The following QRICH1 variants were observed in gnomAD, a reference collection of about 807,000 sequenced individuals.
The protein encoded by QRICH1 is transcriptional regulator QRICH1.
QRICH1 carries 16 observed loss-of-function variants against 87.1 expected under a neutral mutation model. That is an observed-to-expected ratio of 0.18 (90% CI 0.12 to 0.28). QRICH1 has a LOEUF of 0.28. QRICH1 is among the 10% of genes least tolerant of loss of function. QRICH1 has a pLI of 1.00. For missense variants in QRICH1, 647 were observed against 951.7 expected, an observed-to-expected ratio of 0.68 and a Z score of 4.21; for synonymous variants, 367 against 368.4, an observed-to-expected ratio of 1.00 and a Z score of 0.05.
chr3:49,078,560 A>G (rs2041997497), intron 1 of QRICH1, among the ~76,000 whole-genome samples: 1 of 149,082 alleles, frequency 6.7e-6, no homozygotes, highest in Non-Finnish European at 1.5e-5. Flanking sequence ...ACGCCCAGCT[A>G]ATTTTTTTGT....
At chr3:49,059,277 A>G (rs1312837025) in intron 2 of QRICH1, among the ~76,000 whole-genome samples, 1 of 150,124 alleles carries the variant, frequency 6.7e-6, no homozygotes. Context: ...TTTTTTCTCT[A>G]AAGATAGGGT....
chr3:49,045,574 G>A (rs891867768), intron 5 of QRICH1, among the ~76,000 whole-genome samples: 36 of 152,008 alleles, frequency 2.4e-4, no homozygotes, highest in Admixed American at 2.4e-3. Flanking sequence ...GGGACTACAG[G>A]TGTGTGCCAC....
Position 49,076,729 on chromosome 3 carries a change from G to C in QRICH1, c.289C>G (p.Gln97Glu), listed in dbSNP as rs2041959817. ...TATACCTGAACCTGCTGCGGCTGCT[G>C]AACCTGGATCTGCTGTTCTTGCTGG... Reference protein sequence around the residue: ...QTQQEQQIQVQQPQQVQVQVQ... With the variant: ...QTQQEQQIQVEQPQQVQVQVQ... Residue 97 changes from glutamine (Q) to glutamate (E), a missense_variant, in exon 2 of 10, where the codon CAG becomes GAG. Gln to Glu is a conservative substitution (Grantham distance 29). Transcript: ENST00000395443. The C allele has an allele frequency of 6.3e-7, 1 of 1,582,184 alleles. No individual in the cohort carries two copies. Among genetic ancestry groups the C allele is most frequent in the African/African-American group, 1.3e-5 (1 of 74,388 alleles).
intron 2 of QRICH1, among the ~76,000 whole-genome samples, chr3:49,075,971 C>T (rs1183751354): frequency 6.6e-6 from 1 of 151,860 alleles, no homozygotes; most frequent in Non-Finnish European, 1.5e-5. Flanking sequence ...TGGCCGGGTG[C>T]GGTGGCTCAT....
At position 49,044,260 on chromosome 3, in the gene QRICH1, G is replaced by C. The variant is rs2093327216; in HGVS notation, c.1786+130C>G. 4.1e-6 allele frequency: 3 copies of C among 727,450 alleles called. No individual in the cohort carries two copies. In the Admixed American group the frequency reaches 7.7e-5, roughly 19 times the overall value. 45.1% of individuals were successfully genotyped at this position (727,450 alleles called of 1,614,324 possible). A position where few individuals can be genotyped will look rare whatever the true frequency, so the allele number is the denominator to read the frequency against. On this transcript the variant is annotated intron_variant, in intron 6 of 9. Coordinates refer to ENST00000395443, the MANE Select transcript of QRICH1 (RefSeq NM_198880.3). ...TCCCTATCAGGGCAAGTAGCACAGT[G>C]GCCAATGCTGCTGCAGTCTGGGATT...
intron 3 of QRICH1, among the ~76,000 whole-genome samples, chr3:49,049,894 T>C (rs924002294): frequency 6.6e-6 from 1 of 152,024 alleles, no homozygotes; most frequent in Non-Finnish European, 1.5e-5. Context: ...AAGAACTGAG[T>C]CACCACATGT....
intron 6 of QRICH1, among the ~76,000 whole-genome samples, chr3:49,038,413 A>G (rs1485940094): frequency 1.3e-5 from 2 of 150,958 alleles, no homozygotes. Context: ...TTGTTGATTT[A>G]ATTATTATTA....
intron 2 of QRICH1, among the ~76,000 whole-genome samples, chr3:49,060,355 G>A (rs1180550408): frequency 1.3e-5 from 2 of 150,394 alleles, no homozygotes; most frequent in Non-Finnish European, 3.0e-5. Flanking sequence ...CACCACGACT[G>A]GCTAATTTTT....
chr3:49,065,212 T>C (rs1249753022), intron 2 of QRICH1, among the ~76,000 whole-genome samples: 1 of 151,514 alleles, frequency 6.6e-6, no homozygotes, highest in East Asian at 2.0e-4. Context: ...CTTGGCTCAC[T>C]CAGCTCAATG....
chr3:49,058,474 T>C (rs1485589013), intron 2 of QRICH1, among the ~76,000 whole-genome samples: 1 of 152,048 alleles, frequency 6.6e-6, no homozygotes, highest in Non-Finnish European at 1.5e-5. Context: ...TATAGACATG[T>C]GCCACCATAC....
At chr3:49,093,409 A>G (rs775498623) in intron 1 of QRICH1, 1 of 152,102 alleles carries the variant, frequency 6.6e-6, no homozygotes, top group Non-Finnish European at 1.5e-5. Context: ...GAAAGGACCC[A>G]ATCCTCAACC....
chr3:49,054,713 TG>T (rs1559935884), intron 3 of QRICH1, among the ~76,000 whole-genome samples: 1 of 152,136 alleles, frequency 6.6e-6, no homozygotes, highest in Non-Finnish European at 1.5e-5. Context: ...AAGAGCAGCC[TG>T]GGCAACACAG....
chr3:49,045,326 CAAAAAAAAAAA>C (rs150401256), intron 5 of QRICH1, among the ~76,000 whole-genome samples: 10 of 101,834 alleles, frequency 9.8e-5, no homozygotes, highest in Admixed American at 2.0e-4. Context: ...TTGTGAATTA[CAAAAAAAAAAA>C]AAAAAAAAAA....
At chr3:49,033,386 A>G (rs2093254362) in intron 6 of QRICH1, 158 bp from the exon 7 acceptor site, 1 of 419,858 alleles carries the variant, frequency 2.4e-6, no homozygotes, top group Admixed American at 4.4e-5. Context: ...AGCTTCTTAA[A>G]ACACAGATAG....
At chr3:49,051,793 T>A (rs2093372835) in intron 3 of QRICH1, among the ~76,000 whole-genome samples, 1 of 152,174 alleles carries the variant, frequency 6.6e-6, no homozygotes. Flanking sequence ...AAGTAGGCAG[T>A]GGCTAGAGCA....
intron 3 of QRICH1, among the ~76,000 whole-genome samples, chr3:49,053,990 G>A (rs373637500): frequency 5.4e-4 from 82 of 152,266 alleles, no homozygotes; most frequent in Admixed American, 2.0e-3. Context: ...GATGTTTGTG[G>A]TATATATAGA....
chr3:49,043,595 G>A (rs1367667984), intron 6 of QRICH1, among the ~76,000 whole-genome samples: 2 of 151,550 alleles, frequency 1.3e-5, no homozygotes, highest in African/African-American at 4.9e-5. Flanking sequence ...TTGGGAGGCC[G>A]AGGTGGGCAG....
chr3:49,044,395 G>A lies in QRICH1; in HGVS notation c.1781C>T (p.Pro594Leu). The A allele has an allele frequency of 6.2e-7, 1 of 1,605,472 alleles. No individual in the cohort carries two copies. Among genetic ancestry groups the A allele is most frequent in the Non-Finnish European group, 8.5e-7 (1 of 1,174,354 alleles). Residue 594 changes from proline to leucine, a missense_variant, in exon 6 of 10, where the codon CCA becomes CTA. Transcript: ENST00000395443. ...AGGACAAGGGAGACTCTTACCAAGT[G>A]GAGTGACCCGGGGCTGAACATCCTT... is the stretch of plus-strand genomic sequence containing the variant. ...VLKDVQPRVT[P>L]LGYVLPSHVT... is the part of the protein sequence containing the mutation.
chr3:49,051,578 C>T (rs2093370263), intron 3 of QRICH1, among the ~76,000 whole-genome samples: 1 of 86,650 alleles, frequency 1.2e-5, no homozygotes, highest in Non-Finnish European at 2.1e-5. Flanking sequence ...CTAGAACCCC[C>T]CCTGCGCCCC....
Sources: allele counts gnomAD v4.1 joint callset (sites outside exome capture counted in the v4.1 genomes callset), GRCh38; gene constraint gnomAD v4.1.1; transcripts MANE v1.5; gene names NCBI Gene and HGNC (gene_info 2026-07-23, HGNC 2026-07-21).